OPCML: variants seen among roughly 807,000 people sequenced by gnomAD.
OPCML encodes the protein opioid-binding protein/cell adhesion molecule.
In OPCML, 13 loss-of-function variants were observed where a neutral mutation model predicts 37.8. The ratio of observed to expected loss-of-function variants is 0.34; its 90% CI spans 0.22 to 0.55. The LOEUF is 0.55. Ranked by LOEUF, OPCML falls within the 20% of genes least tolerant of loss-of-function variation. The probability of loss-of-function intolerance (pLI) is 0.91; values close to 1 mark genes in which losing one functional copy is unlikely to be tolerated. For missense variants in OPCML, 341 were observed against 435.6 expected (o/e 0.78, Z 1.93); for synonymous variants, 176 against 168.8 (o/e 1.04, Z -0.33).
intron 2 of OPCML, among the ~76,000 whole-genome samples, chr11:132,924,129 G>T (rs1402601320): frequency 1.0e-5 from 1 of 96,734 alleles, no homozygotes; most frequent in East Asian, 2.0e-4. Flanking sequence ...AAAAAACTAT[G>T]TGTGTGTGTG....
intron 1 of OPCML, among the ~76,000 whole-genome samples, chr11:133,377,049 G>A (rs1423044111): frequency 2.0e-5 from 3 of 152,116 alleles, no homozygotes; most frequent in African/African-American, 7.2e-5. Flanking sequence ...GGACTATGTA[G>A]TGTAGTGTTT....
chr11:133,402,847 A>C (rs915957663), intron 1 of OPCML, among the ~76,000 whole-genome samples: 1 of 152,198 alleles, frequency 6.6e-6, no homozygotes, highest in African/African-American at 2.4e-5. Context: ...CACTGGACCC[A>C]AGTCGCCAAG....
At chr11:132,760,559 T>TC (rs1285136350) in intron 2 of OPCML, among the ~76,000 whole-genome samples, 1 of 150,456 alleles carries the variant, frequency 6.6e-6, no homozygotes, top group African/African-American at 2.5e-5. Flanking sequence ...GTAATGCCCT[T>TC]CTTTTTTTTT....
chr11:133,216,391 G>T (rs1015160405), intron 1 of OPCML, among the ~76,000 whole-genome samples: 1 of 152,136 alleles, frequency 6.6e-6, no homozygotes, highest in Non-Finnish European at 1.5e-5. Flanking sequence ...CCTTTGGATG[G>T]TACGTATTAG....
At position 132,457,449 on chromosome 11, in the gene OPCML, T is replaced by G. The variant is rs187458960; in HGVS notation, c.506-20090A>C. On this transcript the variant is annotated intron_variant, in intron 4 of 7. Coordinates refer to ENST00000524381, the MANE Select transcript of OPCML (RefSeq NM_001012393.5). ...AAGAGATTCATGCTTTAACAAATAT[T>G]TATTGAGTGTCAACTTGTTTGAGGC... 1.3e-3 allele frequency among the ~76,000 whole-genome samples: 203 copies of G among 152,332 alleles called. 1 individual carries two copies. The highest frequency in any genetic ancestry group is 4.5e-3 in the African/African-American group (187 of 41,562).
chr11:132,563,399 T>C lies in OPCML; in HGVS notation c.380-34213A>G, dbSNP rs190742224. 1.7e-3 allele frequency among the ~76,000 whole-genome samples: 255 copies of C among 152,172 alleles called. 4 individuals carry two copies. The South Asian group carries it at 0.025, about 15-fold the overall frequency. On this transcript the variant is annotated intron_variant, in intron 3 of 7. Coordinates refer to ENST00000524381, the MANE Select transcript of OPCML (RefSeq NM_001012393.5). ...ATGTTTCTGTATTTGGGTGCCTTAC[T>C]TCTCCCCGAATGTCTCTGGGTTTGT...
At chr11:133,050,281 C>T (rs1372076652) in intron 1 of OPCML, among the ~76,000 whole-genome samples, 3 of 152,170 alleles carry the variant, frequency 2.0e-5, no homozygotes, top group African/African-American at 7.2e-5. Flanking sequence ...CCATTCCTTG[C>T]AGTAACTTTA....
intron 1 of OPCML, among the ~76,000 whole-genome samples, chr11:133,355,856 T>G (rs1348271181): frequency 1.3e-5 from 2 of 152,236 alleles, no homozygotes; most frequent in African/African-American, 4.8e-5. Flanking sequence ...GCGAGCAAGG[T>G]CTGCAGTTCA....
rs117621063 is a variant in OPCML at position 132,436,614 on chromosome 11, C to T, written c.764+45G>A. The T allele has an allele frequency of 7.3e-4, 1,172 of 1,606,486 alleles. 23 individuals carry two copies. The East Asian group carries it at 0.025, about 34-fold the overall frequency. On this transcript the variant is annotated intron_variant, in intron 6 of 7. Transcript: ENST00000524381. ...ATCCTTCTCCCATGTGGGGATAGAC[C>T]ATCAGCTCTGCTTCAGAACTGTCCA...
intron 1 of OPCML, among the ~76,000 whole-genome samples, chr11:133,490,352 G>T (rs1324335521): frequency 6.6e-6 from 1 of 152,116 alleles, no homozygotes; most frequent in African/African-American, 2.4e-5. Context: ...TGAGTTCTTT[G>T]TATTTTACAT....
chr11:132,840,417 A>G (rs574546339), intron 2 of OPCML, among the ~76,000 whole-genome samples: 2 of 152,320 alleles, frequency 1.3e-5, no homozygotes, highest in East Asian at 3.9e-4. Context: ...CGCTGGGCCC[A>G]GGCTTGCCAG....
chr11:132,461,003 C>T (rs1565581527), intron 4 of OPCML, among the ~76,000 whole-genome samples: 1 of 152,070 alleles, frequency 6.6e-6, no homozygotes, highest in Non-Finnish European at 1.5e-5. Context: ...TGACTTGTTC[C>T]ACTTTATAGA....
Position 132,565,925 on chromosome 11 carries a change from C to G in OPCML, c.380-36739G>C, listed in dbSNP as rs188251416. On this transcript the variant is annotated intron_variant, in intron 3 of 7. Transcript: ENST00000524381. ...GCGGGCGCCTGCAGTCCCAGCTACT[C>G]GAGAGACTGTGGCAGGAGAATTGCT... Among the ~76,000 whole-genome samples, 4 of 152,070 alleles carry G rather than the reference C, an allele frequency of 2.6e-5. No individual in the cohort carries two copies. In the South Asian group the frequency reaches 8.3e-4, roughly 31 times the overall value.
chr11:132,475,770 C>T (rs990485253), intron 4 of OPCML, among the ~76,000 whole-genome samples: 1 of 152,128 alleles, frequency 6.6e-6, no homozygotes, highest in African/African-American at 2.4e-5. Flanking sequence ...ACTAATAATA[C>T]ACCTCCTTTC....
chr11:133,366,194 G>A (rs1314441805), intron 1 of OPCML: 1 of 152,178 alleles, frequency 6.6e-6, no homozygotes, highest in Non-Finnish European at 1.5e-5. Flanking sequence ...ACAAATTACT[G>A]GCAGGAGGCA....
chr11:133,462,918 G>T (rs976014010), intron 1 of OPCML, among the ~76,000 whole-genome samples: 1 of 152,062 alleles, frequency 6.6e-6, no homozygotes, highest in Non-Finnish European at 1.5e-5. Context: ...ATAGCCAAAA[G>T]GTGGAAGCAA....
intron 1 of OPCML, chr11:133,419,262 G>C (rs1453118472): frequency 2.0e-6 from 2 of 985,268 alleles, no homozygotes; most frequent in African/African-American, 1.7e-5. Context: ...TATGAGTTTG[G>C]TTTTGAACAT....
chr11:132,597,402 CAT>C (rs2096494057), intron 3 of OPCML, among the ~76,000 whole-genome samples: 1 of 152,186 alleles, frequency 6.6e-6, no homozygotes, highest in African/African-American at 2.4e-5. Flanking sequence ...ATATGGCTGG[CAT>C]ATATCTGCTT....
intron 1 of OPCML, chr11:133,025,320 G>A: frequency 3.0e-6 from 3 of 985,084 alleles, no homozygotes; most frequent in Non-Finnish European, 3.6e-6. Flanking sequence ...TGACATTTCT[G>A]TGGATGATTA....
Sources: allele counts gnomAD v4.1 joint callset (sites outside exome capture counted in the v4.1 genomes callset), GRCh38; gene constraint gnomAD v4.1.1; transcripts MANE v1.5; gene names NCBI Gene and HGNC (gene_info 2026-07-23, HGNC 2026-07-21).